The following PLXNA2 variants were observed in gnomAD, a reference collection of about 807,000 sequenced individuals.
The protein encoded by PLXNA2 is plexin A2, also known as plexin-A2.
Under a neutral mutation model 193.5 loss-of-function variants are expected in PLXNA2, and 91 were observed. The ratio of observed to expected loss-of-function variants is 0.47; its 90% CI spans 0.40 to 0.56. The LOEUF is 0.56. Among genes scored for constraint, PLXNA2 ranks in the 20% least tolerant of loss-of-function variants. The probability of loss-of-function intolerance (pLI) is 0.00; values close to 1 mark genes in which losing one functional copy is unlikely to be tolerated. For missense variants in PLXNA2, 1,995 were observed against 2,503.2 expected (o/e 0.80, Z 4.33); for synonymous variants, 997 against 1,027.3 (o/e 0.97, Z 0.56).
At chr1:208,138,955 A>T (rs1479534843) in intron 4 of PLXNA2, among the ~76,000 whole-genome samples, 3 of 152,230 alleles carry the variant, frequency 2.0e-5, no homozygotes, top group South Asian at 2.1e-4. Flanking sequence ...TTAACCCAGG[A>T]GGCGGAGGTT....
chr1:208,134,385 G>A (rs774185689), intron 4 of PLXNA2, among the ~76,000 whole-genome samples: 5 of 152,006 alleles, frequency 3.3e-5, no homozygotes, highest in Middle Eastern at 3.2e-3. Context: ...CACAGCCCCG[G>A]GAGGTGGGAG....
chr1:208,216,640 T>G, intron 2 of PLXNA2, 95 bp downstream of exon 2: 4 of 1,401,276 alleles, frequency 2.9e-6, no homozygotes, highest in Non-Finnish European at 3.9e-6. Context: ...TTCAGGTCCA[T>G]GGTGGTGTGG....
chr1:208,233,591 T>C (rs1254221831), intron 1 of PLXNA2, among the ~76,000 whole-genome samples: 1 of 152,254 alleles, frequency 6.6e-6, no homozygotes, highest in African/African-American at 2.4e-5. Flanking sequence ...TGCCTGAGAA[T>C]GCTCCCAGGT....
chr1:208,080,779 C>T (rs1306424250), intron 11 of PLXNA2, among the ~76,000 whole-genome samples: 4 of 152,152 alleles, frequency 2.6e-5, no homozygotes, highest in East Asian at 1.9e-4. Flanking sequence ...TCATTTGATC[C>T]TCACGGTGAC....
intron 5 of PLXNA2, among the ~76,000 whole-genome samples, chr1:208,102,050 T>C (rs1667113838): frequency 1.3e-5 from 2 of 152,234 alleles, no homozygotes; most frequent in South Asian, 4.1e-4. Flanking sequence ...AGACACACTG[T>C]CCAGGTCTGC....
intron 3 of PLXNA2, among the ~76,000 whole-genome samples, chr1:208,151,173 T>G (rs1668752905): frequency 1.3e-5 from 2 of 152,176 alleles, no homozygotes; most frequent in African/African-American, 4.8e-5. Flanking sequence ...ATAATTCACA[T>G]GGAGCACACA....
intron 3 of PLXNA2, among the ~76,000 whole-genome samples, chr1:208,206,725 C>T (rs1220667611): frequency 1.3e-5 from 2 of 150,752 alleles, no homozygotes; most frequent in East Asian, 3.9e-4. Context: ...TTATCACCTG[C>T]AATGCACTGA....
intron 3 of PLXNA2, among the ~76,000 whole-genome samples, chr1:208,181,116 T>C (rs1253421172): frequency 2.0e-5 from 3 of 152,196 alleles, no homozygotes; most frequent in Non-Finnish European, 4.4e-5. Flanking sequence ...GGAGGTTCTC[T>C]GGAGTGATAG....
chr1:208,137,288 T>C (rs901088689), intron 4 of PLXNA2, among the ~76,000 whole-genome samples: 1 of 152,230 alleles, frequency 6.6e-6, no homozygotes, highest in Non-Finnish European at 1.5e-5. Flanking sequence ...CTATTCCCTC[T>C]GCTAATGCAA....
rs1217470741 is a variant in PLXNA2, at chr1:208,024,861, G to C, written c.*2382C>G. 6.6e-6 allele frequency: 1 copy of C among 152,224 alleles called. No individual in the cohort carries two copies. The highest frequency in any genetic ancestry group is 1.5e-5 in the Non-Finnish European group (1 of 68,062). The allele number at this position is 152,224 out of a possible 1,614,324, so 9.4% of individuals were successfully genotyped here. A position where few individuals can be genotyped will look rare whatever the true frequency, so the allele number is the denominator to read the frequency against. ...AAACAGAGCTCAGAAGTTAGATGGG[G>C]TGGGCTGAACTTTTTTACAGGTAGC... On this transcript the variant is annotated 3_prime_UTR_variant, in exon 32 of 32. Coordinates refer to ENST00000367033, the MANE Select transcript of PLXNA2 (RefSeq NM_025179.4).
chr1:208,079,941 A>T (rs907601986), intron 11 of PLXNA2, among the ~76,000 whole-genome samples: 1 of 152,214 alleles, frequency 6.6e-6, no homozygotes, highest in Non-Finnish European at 1.5e-5. Flanking sequence ...CCACTCTCAC[A>T]TATGGTCCTC....
In PLXNA2 at chr1:208,044,268, A is replaced by C. The variant is rs1476407519; in HGVS notation, c.3874+240T>G. Among the ~76,000 whole-genome samples, 1 of 152,236 alleles carries C rather than the reference A, an allele frequency of 6.6e-6. No homozygotes were observed. The highest frequency in any genetic ancestry group is 1.5e-5 in the Non-Finnish European group (1 of 68,044). On this transcript the variant is annotated intron_variant, in intron 20 of 31. Transcript: ENST00000367033. This position sits in a 1 kb window ranked among gnomAD's most constrained non-coding sequence, Gnocchi z 4.9. ...TGTTTGCCAGATTGTGGGATGGGTC[A>C]GGGCAAAGAAGGGACTAGAACAATG... is the stretch of plus-strand genomic sequence containing the variant.
chr1:208,141,361 T>C (rs17259359), intron 4 of PLXNA2, among the ~76,000 whole-genome samples: 1,598 of 152,324 alleles, frequency 0.01, 15 homozygotes, highest in Non-Finnish European at 0.017. Flanking sequence ...CCTGGAACTC[T>C]TGCAGAATTC....
At chr1:208,090,580 G>A (rs939449670) in intron 9 of PLXNA2, among the ~76,000 whole-genome samples, 4 of 152,138 alleles carry the variant, frequency 2.6e-5, no homozygotes, top group African/African-American at 9.7e-5. Flanking sequence ...CCCCAGCAGA[G>A]TTTATTTATC....
intron 2 of PLXNA2, among the ~76,000 whole-genome samples, chr1:208,215,049 G>GTCACCCAGGCT: frequency 6.6e-6 from 1 of 150,910 alleles, no homozygotes; most frequent in Non-Finnish European, 1.5e-5. Flanking sequence ...GTCTCACTCT[G>GTCACCCAGGCT]TCACCCAGGC....
intron 3 of PLXNA2, among the ~76,000 whole-genome samples, chr1:208,164,304 C>T (rs544020269): frequency 6.2e-4 from 95 of 152,306 alleles, no homozygotes; most frequent in Non-Finnish European, 1.3e-3. Context: ...CCAACATCTA[C>T]CTGAGGAGGC....
intron 4 of PLXNA2, among the ~76,000 whole-genome samples, chr1:208,110,134 A>C (rs1402278505): frequency 2.0e-5 from 3 of 152,160 alleles, no homozygotes; most frequent in East Asian, 3.9e-4. Context: ...CCTGCCCCTG[A>C]CCCTGGCCTT....
chr1:208,065,199 A>G (rs1372320136), intron 12 of PLXNA2, among the ~76,000 whole-genome samples: 1 of 152,206 alleles, frequency 6.6e-6, no homozygotes, highest in Non-Finnish European at 1.5e-5. Context: ...AAACCAAAGT[A>G]TGGCCAGCAT....
chr1:208,084,513 A>G lies in PLXNA2; in HGVS notation c.2165T>C (p.Leu722Pro). 6.2e-7 allele frequency: 1 copy of G among 1,614,220 alleles called. No homozygotes were observed. The highest frequency in any genetic ancestry group is 8.5e-7 in the Non-Finnish European group (1 of 1,180,030). ...CGGCTGGGGCAGATTTCGCGCCTTAAGGGTGATTGGCTTTACCTCCCCGAC... is the reference window on the plus strand; with the variant it reads ...CGGCTGGGGCAGATTTCGCGCCTTAGGGGTGATTGGCTTTACCTCCCCGAC... ...IPVGEVKPIT[L>P]KARNLPQPQS... Residue 722 changes from leucine (L) to proline (P), a missense_variant, in exon 10 of 32, where the codon CTT (leucine) becomes CCT (proline). Leu to Pro is a moderately conservative substitution (Grantham distance 98, BLOSUM62 -3). This residue lies in a region of PLXNA2 where 1,291 missense variants were observed against 1,673.6 expected (regional missense o/e 0.77). Transcript: ENST00000367033.
Sources: allele counts gnomAD v4.1 joint callset (sites outside exome capture counted in the v4.1 genomes callset), GRCh38; gene constraint gnomAD v4.1.1; regional missense constraint gnomAD v4.1.1; non-coding constraint Gnocchi (gnomAD v3.1); transcripts MANE v1.5; gene names NCBI Gene and HGNC (gene_info 2026-07-23, HGNC 2026-07-21).